CUX2: variants seen among roughly 807,000 people sequenced by gnomAD.
The protein encoded by CUX2 is homeobox protein cut-like 2.
A neutral mutation model predicts 144.8 loss-of-function variants in CUX2; 40 were observed. The ratio of observed to expected loss-of-function variants is 0.28; its 90% confidence interval spans 0.21 to 0.36. The LOEUF (loss-of-function observed/expected upper bound fraction) is 0.36. Among genes scored for constraint, CUX2 ranks in the 10% least tolerant of loss-of-function variants. CUX2 has a pLI of 1.00. For synonymous variants in CUX2, 827 were observed against 875.6 expected, an observed-to-expected ratio of 0.94 and a Z score of 0.98; for missense variants, 1,615 against 1,994.0, an observed-to-expected ratio of 0.81 and a Z score of 3.62.
At chr12:111,341,559 G>A (rs573247711) in intron 20 of CUX2, among the ~76,000 whole-genome samples, 2 of 152,220 alleles carry the variant, frequency 1.3e-5, no homozygotes, top group South Asian at 2.1e-4. Flanking sequence ...GCTCCCGGGC[G>A]GGCGAGGTTA....
At chr12:111,169,957 G>A (rs182934627) in intron 1 of CUX2, among the ~76,000 whole-genome samples, 10 of 152,314 alleles carry the variant, frequency 6.6e-5, no homozygotes, top group Non-Finnish European at 2.9e-5. Flanking sequence ...GAGATTGTGT[G>A]TGGCAGCTGT....
chr12:111,164,267 T>G (rs1877975190), intron 1 of CUX2, among the ~76,000 whole-genome samples: 1 of 152,108 alleles, frequency 6.6e-6, no homozygotes, highest in East Asian at 1.9e-4. Flanking sequence ...GGACACTTGG[T>G]GTTTGTTGAG....
intron 1 of CUX2, among the ~76,000 whole-genome samples, chr12:111,209,767 TCTC>T (rs1270706107): frequency 1.3e-5 from 2 of 152,048 alleles, no homozygotes; most frequent in Non-Finnish European, 2.9e-5. Flanking sequence ...GCCCCCGGCT[TCTC>T]CTGCAGCACC....
rs761281334 is a variant in CUX2 at position 111,348,161 on chromosome 12, C to T, written c.4297C>T (p.Pro1433Ser). The change falls in exon 22 of 22, where the codon CCG becomes TCG. Residue 1433 changes from proline to serine, a missense_variant. Transcript: ENST00000261726. ...ACCTGGCGCCCCCCCTGCCAAAGTGCCGAGTGCCAGCCCCACTGCTGACAT... is the reference window on the plus strand; with the variant it reads ...ACCTGGCGCCCCCCCTGCCAAAGTGTCGAGTGCCAGCCCCACTGCTGACAT... ...SPPGAPPAKV[P>S]SASPTADMAG... 50 of 1,614,024 alleles carry T rather than the reference C, an allele frequency of 3.1e-5. No homozygotes were observed. Among genetic ancestry groups the T allele is most frequent in the Non-Finnish European group, 4.2e-5 (50 of 1,180,036 alleles).
At chr12:111,180,832 T>A (rs1441478930) in intron 1 of CUX2, among the ~76,000 whole-genome samples, 1 of 152,168 alleles carries the variant, frequency 6.6e-6, no homozygotes, top group Admixed American at 6.5e-5. Context: ...CCTGAGTTAT[T>A]GAGGGAAGAA....
Position 111,348,149 on chromosome 12 carries a change from C to G in CUX2, c.4285C>G (p.Pro1429Ala), listed in dbSNP as rs1172467934. ...CTCCCCATCCCCACCTGGCGCCCCC[C>G]CTGCCAAAGTGCCGAGTGCCAGCCC... ...PISPSPPGAP[P>A]AKVPSASPTA... is the part of the protein sequence containing the mutation. Residue 1429 changes from proline (P) to alanine (A), a missense_variant, in exon 22 of 22, where the codon CCT becomes GCT. Physicochemically the swap from Pro to Ala is conservative, Grantham distance 27. This residue lies in a region of CUX2 where 298 missense variants were observed against 330.4 expected (regional missense o/e 0.90). Coordinates refer to ENST00000261726, the MANE Select transcript of CUX2 (RefSeq NM_015267.4). The G allele has an allele frequency of 6.2e-7, 1 of 1,614,174 alleles. No homozygotes were observed. Among genetic ancestry groups the G allele is most frequent in the African/African-American group, 1.3e-5 (1 of 75,050 alleles).
rs185020172 is a variant in CUX2 at position 111,171,465 on chromosome 12, A to G, written c.64-42735A>G. ...TGGGAGTGGGTCTCTCTCTGACCCA[A>G]TGCAAGCAGCCCGGAGACATCTTGC... is the stretch of plus-strand genomic sequence containing the variant. On this transcript the variant is annotated intron_variant, in intron 1 of 21. Coordinates refer to ENST00000261726, the MANE Select transcript of CUX2 (RefSeq NM_015267.4). This position sits in a 1 kb window ranked among gnomAD's most constrained non-coding sequence, Gnocchi z 5.0. 2.6e-5 allele frequency among the ~76,000 whole-genome samples: 4 copies of G among 152,276 alleles called. No individual in the cohort carries two copies. Among genetic ancestry groups the G allele is most frequent in the Non-Finnish European group, 4.4e-5 (3 of 68,006 alleles).
intron 1 of CUX2, among the ~76,000 whole-genome samples, chr12:111,073,633 T>G (rs1278508516): frequency 1.3e-5 from 2 of 152,060 alleles, no homozygotes; most frequent in Non-Finnish European, 2.9e-5. Context: ...ATCTACTCAG[T>G]GCGATAGCAT....
At chr12:111,305,235 A>C (rs1411027796) in intron 10 of CUX2, among the ~76,000 whole-genome samples, 2 of 152,184 alleles carry the variant, frequency 1.3e-5, no homozygotes, top group Non-Finnish European at 2.9e-5. Context: ...AGATCTCTAC[A>C]TACCAAGGGG....
At chr12:111,184,344 T>C (rs1879375204) in intron 1 of CUX2, among the ~76,000 whole-genome samples, 1 of 151,946 alleles carries the variant, frequency 6.6e-6, no homozygotes, top group Non-Finnish European at 1.5e-5. Context: ...GGACTGGAAG[T>C]AAACTAAGTG....
At chr12:111,232,904 G>A (rs1882550939) in intron 3 of CUX2, among the ~76,000 whole-genome samples, 1 of 152,252 alleles carries the variant, frequency 6.6e-6, no homozygotes, top group Non-Finnish European at 1.5e-5. Context: ...ACCCTTTCGC[G>A]GGAAGACAGT....
chr12:111,100,560 G>T (rs1873159635), intron 1 of CUX2, among the ~76,000 whole-genome samples: 1 of 152,166 alleles, frequency 6.6e-6, no homozygotes, highest in Non-Finnish European at 1.5e-5. Context: ...ACACCCATGT[G>T]TGCAAGTCAG....
At chr12:111,222,737 C>G (rs1251658270) in intron 3 of CUX2, among the ~76,000 whole-genome samples, 1 of 152,116 alleles carries the variant, frequency 6.6e-6, no homozygotes, top group Admixed American at 6.5e-5. Flanking sequence ...TGTCAAGTGG[C>G]CAGTGAGTCA....
chr12:111,242,054 A>G (rs541554510), intron 3 of CUX2, among the ~76,000 whole-genome samples: 2 of 152,354 alleles, frequency 1.3e-5, no homozygotes, highest in South Asian at 4.1e-4. Flanking sequence ...TTGGGCTTCT[A>G]TTATGTGCCA....
At chr12:111,046,873 T>G (rs1470268877) in intron 1 of CUX2, among the ~76,000 whole-genome samples, 1 of 152,196 alleles carries the variant, frequency 6.6e-6, no homozygotes, top group Non-Finnish European at 1.5e-5. Flanking sequence ...GCCAGGCTGG[T>G]CTTGAATTCG....
intron 1 of CUX2, among the ~76,000 whole-genome samples, chr12:111,121,486 C>T (rs1009894697): frequency 1.4e-5 from 2 of 140,242 alleles, no homozygotes; most frequent in Non-Finnish European, 3.0e-5. Context: ...ATGCGATTCT[C>T]ATGCCTCAGC....
chr12:111,338,117 G>A (rs1247582628), intron 19 of CUX2, among the ~76,000 whole-genome samples, 169 bp from the exon 20 acceptor site: 2 of 151,972 alleles, frequency 1.3e-5, no homozygotes, highest in East Asian at 1.9e-4. Context: ...GACCCCCCTC[G>A]GCTTCACATC....
intron 18 of CUX2, among the ~76,000 whole-genome samples, chr12:111,330,742 T>TATATATATATATACATATAC (rs1888086836): frequency 1.3e-5 from 1 of 76,656 alleles, no homozygotes; most frequent in Non-Finnish European, 2.7e-5. Context: ...TATATATATA[T>TATATATATATATACATATAC]ATATATATAA....
At chr12:111,069,537 T>TGTGTGTGTGTGCGCGCGC in intron 1 of CUX2, among the ~76,000 whole-genome samples, 2 of 134,898 alleles carry the variant, frequency 1.5e-5, no homozygotes, top group South Asian at 4.2e-4. Flanking sequence ...TGTGTGTGTG[T>TGTGTGTGTGTGCGCGCGC]GTGTGTGTGT....
Sources: gnomAD v4.1 joint callset for allele counts (sites outside exome capture counted in the v4.1 genomes callset) on GRCh38, gnomAD v4.1.1 for gene constraint, gnomAD v4.1.1 regional missense constraint, Gnocchi (gnomAD v3.1) non-coding constraint, MANE v1.5 for transcripts, NCBI Gene and HGNC (gene_info 2026-07-23, HGNC 2026-07-21) for gene names.